Variants in PDE1A observed in about 807,000 individuals in gnomAD.
PDE1A encodes phosphodiesterase 1A.
In PDE1A, 35 loss-of-function variants were observed where a neutral mutation model predicts 61.7. That is an observed-to-expected ratio of 0.57 (90% CI 0.43 to 0.75). The LOEUF (loss-of-function observed/expected upper bound fraction) is 0.75. Among genes scored for constraint, PDE1A ranks in the 30% least tolerant of loss-of-function variants. The pLI, the probability that PDE1A is intolerant of heterozygous loss-of-function variation, is 0.00. For synonymous variants in PDE1A, 232 were observed against 213.2 expected, an observed-to-expected ratio of 1.09 and a Z score of -0.77; for missense variants, 597 against 630.6, an observed-to-expected ratio of 0.95 and a Z score of 0.57.
the PDE1A span, among the ~76,000 whole-genome samples, chr2:182,614,545 T>C: frequency 3.3e-5 from 5 of 149,684 alleles, no homozygotes; most frequent in African/African-American, 1.2e-4. Flanking sequence ...TTAAAGTAAC[T>C]AGCATATCTT....
chr2:182,535,348 C>G, the PDE1A span, among the ~76,000 whole-genome samples: 1 of 66,190 alleles, frequency 1.5e-5, no homozygotes, highest in East Asian at 0.017. Context: ...GGATTTAAAA[C>G]TCATGTCTAA....
the PDE1A span, among the ~76,000 whole-genome samples, chr2:182,605,743 A>C: frequency 1.3e-5 from 2 of 152,206 alleles, no homozygotes; most frequent in Non-Finnish European, 2.9e-5. Flanking sequence ...ATCATAGTCA[A>C]ATTGTGTCTC....
chr2:182,602,886 T>A, the PDE1A span, among the ~76,000 whole-genome samples: 2 of 152,064 alleles, frequency 1.3e-5, no homozygotes, highest in African/African-American at 4.8e-5. Flanking sequence ...GGGTTAGAGG[T>A]TGTAGCCAAT....
the PDE1A span, among the ~76,000 whole-genome samples, chr2:182,672,923 T>C: frequency 6.6e-6 from 1 of 152,228 alleles, no homozygotes; most frequent in Admixed American, 6.5e-5. Context: ...ATCCCCATTC[T>C]AAGGCACCAT....
At chr2:182,624,165 A>G in the PDE1A span, among the ~76,000 whole-genome samples, 4 of 150,712 alleles carry the variant, frequency 2.7e-5, no homozygotes, top group Admixed American at 2.6e-4. Context: ...TTTTGGTTTT[A>G]TTCCCATTTT....
chr2:182,252,957 G>A (rs1691509800), intron 2 of PDE1A, among the ~76,000 whole-genome samples: 1 of 152,208 alleles, frequency 6.6e-6, no homozygotes, highest in Non-Finnish European at 1.5e-5. Context: ...ATCTTTGTAT[G>A]TAGAAAAATG....
chr2:182,639,984 T>A, the PDE1A span, among the ~76,000 whole-genome samples: 1 of 92,010 alleles, frequency 1.1e-5, no homozygotes, highest in South Asian at 3.6e-4. Flanking sequence ...TTAAAGGATG[T>A]TAAAAAAAAT....
intron 1 of PDE1A, among the ~76,000 whole-genome samples, chr2:182,278,068 A>G (rs1189426207): frequency 6.6e-6 from 1 of 152,066 alleles, no homozygotes; most frequent in Non-Finnish European, 1.5e-5. Context: ...TTCTTGGAAG[A>G]TCAAAATTTC....
intron 1 of PDE1A, among the ~76,000 whole-genome samples, chr2:182,380,163 T>A (rs908789108): frequency 5.9e-5 from 8 of 136,324 alleles, no homozygotes; most frequent in African/African-American, 1.9e-4. Context: ...CAGGCTGGAG[T>A]GCAGTGGCAC....
the PDE1A span, among the ~76,000 whole-genome samples, chr2:182,599,690 T>C: frequency 6.6e-6 from 1 of 152,222 alleles, no homozygotes; most frequent in African/African-American, 2.4e-5. Context: ...TTCAGATGAA[T>C]AGGACATCCT....
At chr2:182,293,891 A>T (rs1694702122) in intron 1 of PDE1A, among the ~76,000 whole-genome samples, 1 of 152,176 alleles carries the variant, frequency 6.6e-6, no homozygotes, top group African/African-American at 2.4e-5. Context: ...GTGTTAAGCT[A>T]CTAATGACCT....
chr2:182,326,548 C>G (rs911969696), intron 1 of PDE1A, among the ~76,000 whole-genome samples: 3 of 151,994 alleles, frequency 2.0e-5, no homozygotes, highest in Non-Finnish European at 4.4e-5. Context: ...GAAAATAGAA[C>G]AGTTGTTCTC....
the PDE1A span, among the ~76,000 whole-genome samples, chr2:182,663,185 A>G: frequency 6.6e-6 from 1 of 152,178 alleles, no homozygotes; most frequent in Non-Finnish European, 1.5e-5. Context: ...AAAATAATAG[A>G]CACTGGCAAG....
chr2:182,411,228 T>C (rs1310784420), intron 1 of PDE1A, among the ~76,000 whole-genome samples: 2 of 152,234 alleles, frequency 1.3e-5, no homozygotes, highest in Non-Finnish European at 2.9e-5. Context: ...TTTACTATAT[T>C]AGTGTTGTCT....
chr2:182,291,982 G>A (rs1694564874), intron 1 of PDE1A, among the ~76,000 whole-genome samples: 2 of 152,008 alleles, frequency 1.3e-5, no homozygotes, highest in Non-Finnish European at 2.9e-5. Context: ...AAGCATGACT[G>A]TTACTTGTAG....
Position 182,514,009 on chromosome 2 carries a change from C to T in PDE1A, c.101+8267G>A, listed in dbSNP as rs565007328. Among the ~76,000 whole-genome samples, 3 of 152,214 alleles carry T rather than the reference C, an allele frequency of 2.0e-5. No individual in the cohort carries two copies. In the South Asian group the frequency reaches 6.2e-4, roughly 32 times the overall value. Reference sequence around the variant, plus strand: ...ACAATAATAGTGTAAGACTGCAACACCCCACAGCATTTCTATACACCAGTA... The same window carrying T: ...ACAATAATAGTGTAAGACTGCAACATCCCACAGCATTTCTATACACCAGTA... On this transcript the variant is annotated intron_variant, in intron 2 of 14. Coordinates refer to the PDE1A transcript ENST00000410103.
At chr2:182,666,166 C>T in the PDE1A span, among the ~76,000 whole-genome samples, 1 of 152,108 alleles carries the variant, frequency 6.6e-6, no homozygotes, top group Non-Finnish European at 1.5e-5. Flanking sequence ...CACATGCTTA[C>T]CTAAGTAACA....
chr2:182,419,891 A>G (rs1574613685), intron 1 of PDE1A, among the ~76,000 whole-genome samples: 1 of 152,146 alleles, frequency 6.6e-6, no homozygotes, highest in Admixed American at 6.6e-5. Context: ...CTTATAAAAT[A>G]CATTCTACTA....
intron 1 of PDE1A, among the ~76,000 whole-genome samples, chr2:182,264,883 ATATATATATG>A (rs1478848266): frequency 2.2e-5 from 3 of 138,326 alleles, no homozygotes; most frequent in East Asian, 2.1e-4. Flanking sequence ...ATATACATAT[ATATATATATG>A]TATATATATA....
Sources: allele counts gnomAD v4.1 joint callset (sites outside exome capture counted in the v4.1 genomes callset), GRCh38; gene constraint gnomAD v4.1.1; transcripts MANE v1.5; gene names NCBI Gene and HGNC (gene_info 2026-07-23, HGNC 2026-07-21).